Variants in GRIN2B observed in about 807,000 individuals in gnomAD.
GRIN2B encodes the protein glutamate ionotropic receptor NMDA type subunit 2B.
A neutral mutation model predicts 114.5 loss-of-function variants in GRIN2B; 5 were observed. That is an observed-to-expected ratio of 0.04 (90% CI 0.02 to 0.09). The LOEUF is 0.09. GRIN2B is among the 10% of genes least tolerant of loss of function. The pLI is 1.00. For missense variants in GRIN2B, 1,108 were observed against 1,943.5 expected, an observed-to-expected ratio of 0.57 and a Z score of 8.08; for synonymous variants, 787 against 745.1, an observed-to-expected ratio of 1.06 and a Z score of -0.92.
intron 5 of GRIN2B, among the ~76,000 whole-genome samples, chr12:13,659,015 C>A (rs1949894505): frequency 6.6e-6 from 1 of 152,152 alleles, no homozygotes; most frequent in Non-Finnish European, 1.5e-5. Context: ...TGGTCCTCTT[C>A]CCTCTCCTTC....
At chr12:13,941,829 C>T (rs1228956168) in intron 2 of GRIN2B, among the ~76,000 whole-genome samples, 1 of 152,202 alleles carries the variant, frequency 6.6e-6, no homozygotes, top group Admixed American at 6.5e-5. Flanking sequence ...AGATTGAAAG[C>T]TGATCAGGTG....
At chr12:13,888,980 A>C (rs901566900) in intron 2 of GRIN2B, among the ~76,000 whole-genome samples, 1 of 152,168 alleles carries the variant, frequency 6.6e-6, no homozygotes, top group Non-Finnish European at 1.5e-5. Context: ...GTAATAAATT[A>C]GCTTACTATA....
chr12:13,664,185 A>C (rs1019946656), intron 5 of GRIN2B, among the ~76,000 whole-genome samples: 3 of 152,188 alleles, frequency 2.0e-5, no homozygotes, highest in African/African-American at 7.2e-5. Flanking sequence ...ACAGGGCTTA[A>C]GGCATAAAAG....
In GRIN2B at chr12:13,570,033, G is replaced by GCAAA. The variant is rs765274847; in HGVS notation, c.2172-20_2172-17dup. 2 of 1,590,486 alleles carry GCAAA rather than the reference G, an allele frequency of 1.3e-6. No homozygotes were observed. The highest frequency in any genetic ancestry group is 1.7e-5 in the Admixed American group (1 of 59,934). On this transcript the variant is annotated splice_polypyrimidine_tract_variant and intron_variant, in intron 11 of 13. Coordinates refer to ENST00000609686, the MANE Select transcript of GRIN2B (RefSeq NM_000834.5). ...ATCCAGTTTCCTGTACAGGAAAAAA[G>GCAAA]CAAACAAATCCAATGGAGGAATTTT... is the stretch of plus-strand genomic sequence containing the variant.
At chr12:13,905,496 T>C (rs1008032667) in intron 2 of GRIN2B, among the ~76,000 whole-genome samples, 1 of 152,246 alleles carries the variant, frequency 6.6e-6, no homozygotes, top group Non-Finnish European at 1.5e-5. Flanking sequence ...AGTTGTTTCA[T>C]ACTATATGCC....
intron 4 of GRIN2B, among the ~76,000 whole-genome samples, chr12:13,681,612 T>C (rs1038834442): frequency 7.2e-5 from 11 of 152,190 alleles, no homozygotes; most frequent in African/African-American, 2.7e-4. Flanking sequence ...GTTCATACCA[T>C]CTTACTTGTC....
chr12:13,584,176 G>A (rs1008238738), intron 10 of GRIN2B, among the ~76,000 whole-genome samples: 3 of 152,136 alleles, frequency 2.0e-5, no homozygotes, highest in African/African-American at 7.2e-5. Context: ...TGGCTTCCTC[G>A]CAGTTTCTAA....
chr12:13,706,292 C>T (rs1218527739), intron 4 of GRIN2B, among the ~76,000 whole-genome samples: 1 of 152,120 alleles, frequency 6.6e-6, no homozygotes, highest in Non-Finnish European at 1.5e-5. Flanking sequence ...GAATTAAGGA[C>T]TGAATAGACA....
chr12:13,554,526 C>G lies in GRIN2B; in HGVS notation c.*8257G>C, dbSNP rs1948455214. On this transcript the variant is annotated 3_prime_UTR_variant, in exon 14 of 14. Transcript: ENST00000609686. ...GTGAAACAAATGTTATTCAGCTTGT[C>G]TGGATTATGGGACACACACATAGTC... The G allele has an allele frequency of 6.6e-6, 1 of 152,080 alleles. No individual in the cohort carries two copies. The highest frequency in any genetic ancestry group is 2.1e-4 in the South Asian group (1 of 4,824). 9.4% of individuals were successfully genotyped at this position (152,080 alleles called of 1,614,324 possible). A position where few individuals can be genotyped will look rare whatever the true frequency, so the allele number is the denominator to read the frequency against.
chr12:13,652,205 G>T (rs1949820795), intron 5 of GRIN2B, among the ~76,000 whole-genome samples: 1 of 151,754 alleles, frequency 6.6e-6, no homozygotes, highest in South Asian at 2.1e-4. Context: ...ACTCTTGAAG[G>T]TTCACTTCAA....
intron 2 of GRIN2B, among the ~76,000 whole-genome samples, chr12:13,937,369 G>A (rs981546240): frequency 6.6e-6 from 1 of 151,918 alleles, no homozygotes; most frequent in Non-Finnish European, 1.5e-5. Flanking sequence ...ATGAACTTCT[G>A]AAGACCTGGC....
chr12:13,694,658 T>TAC (rs1950243939), intron 4 of GRIN2B, among the ~76,000 whole-genome samples: 2 of 25,220 alleles, frequency 7.9e-5, no homozygotes, highest in Non-Finnish European at 1.7e-4. Context: ...GAAAATGTCA[T>TAC]ATATATATAT....
intron 4 of GRIN2B, among the ~76,000 whole-genome samples, chr12:13,744,979 A>G (rs1443650379): frequency 6.6e-6 from 1 of 152,154 alleles, no homozygotes; most frequent in Non-Finnish European, 1.5e-5. Flanking sequence ...CCAAATCCTT[A>G]TCGGCCACAT....
chr12:13,679,191 C>G (rs1950106062), intron 4 of GRIN2B, among the ~76,000 whole-genome samples: 4 of 152,006 alleles, frequency 2.6e-5, no homozygotes, highest in African/African-American at 7.2e-5. Context: ...GCTAAAACAC[C>G]ATTAAGAATA....
intron 12 of GRIN2B, among the ~76,000 whole-genome samples, chr12:13,568,134 G>T (rs1480060806): frequency 1.3e-5 from 2 of 152,104 alleles, no homozygotes. Flanking sequence ...TTTACACATT[G>T]TTTAACGGTG....
intron 5 of GRIN2B, among the ~76,000 whole-genome samples, chr12:13,657,376 A>G (rs1169665404): frequency 6.6e-6 from 1 of 152,184 alleles, no homozygotes; most frequent in East Asian, 1.9e-4. Flanking sequence ...ATTATTAAGC[A>G]TGTTTAAAAA....
chr12:13,646,362 G>A (rs1043021174), intron 5 of GRIN2B, among the ~76,000 whole-genome samples: 20 of 152,050 alleles, frequency 1.3e-4, no homozygotes, highest in African/African-American at 4.8e-4. Flanking sequence ...TAAAGGCACT[G>A]ACATTCCTTT....
intron 2 of GRIN2B, among the ~76,000 whole-genome samples, chr12:13,924,415 G>A (rs1866880293): frequency 6.6e-6 from 1 of 152,196 alleles, no homozygotes; most frequent in Non-Finnish European, 1.5e-5. Flanking sequence ...AAAGAAGAAA[G>A]GTGAGGGAGC....
chr12:13,947,739 T>C (rs1350722294), intron 2 of GRIN2B, among the ~76,000 whole-genome samples: 1 of 152,190 alleles, frequency 6.6e-6, no homozygotes, highest in Non-Finnish European at 1.5e-5. Context: ...TGGCTCATTT[T>C]CCAGCTGCAG....
Sources: gnomAD v4.1 joint callset for allele counts (sites outside exome capture counted in the v4.1 genomes callset) on GRCh38, gnomAD v4.1.1 for gene constraint, MANE v1.5 for transcripts, NCBI Gene and HGNC (gene_info 2026-07-23, HGNC 2026-07-21) for gene names.